Variants in TMEM135 observed in about 807,000 individuals in gnomAD.
The protein encoded by TMEM135 is transmembrane protein 135, also known as peroxisomal membrane protein 52.
A neutral mutation model predicts 60.3 loss-of-function variants in TMEM135; 30 were observed. That is an observed-to-expected ratio of 0.50 (90% confidence interval 0.37 to 0.68). The LOEUF (loss-of-function observed/expected upper bound fraction) is 0.68. Among genes scored for constraint, TMEM135 ranks in the 30% least tolerant of loss-of-function variants. The pLI, the probability that TMEM135 is intolerant of heterozygous loss-of-function variation, is 0.00. For synonymous variants in TMEM135, 190 were observed against 186.7 expected (o/e 1.02, Z -0.14); for missense variants, 468 against 548.8 (o/e 0.85, Z 1.47).
intron 6 of TMEM135, 111 bp from the exon 7 acceptor site, chr11:87,295,671 T>C: frequency 1.2e-6 from 1 of 843,662 alleles, no homozygotes; most frequent in Admixed American, 2.3e-5. Context: ...AATGTTCAGA[T>C]TTTTGCCTTA....
rs1006703185 is a variant in TMEM135 at position 87,328,284 on chromosome 11, C to A, written c.*6951C>A. 1.5e-5 allele frequency: 7 copies of A among 453,894 alleles called. No individual in the cohort carries two copies. The highest frequency in any genetic ancestry group is 2.6e-5 in the Non-Finnish European group (6 of 226,780). The allele number at this position is 453,894 out of a possible 1,614,324, so 28.1% of individuals were successfully genotyped here. A position where few individuals can be genotyped will look rare whatever the true frequency, so the allele number is the denominator to read the frequency against. ...TATGCTAAAATACTGTCAATCTCGTCTTTGAAGGTTTTGCTCATCTTTAAA... is the reference window on the plus strand; with the variant it reads ...TATGCTAAAATACTGTCAATCTCGTATTTGAAGGTTTTGCTCATCTTTAAA... On this transcript the variant is annotated 3_prime_UTR_variant, in exon 15 of 15. Coordinates refer to ENST00000305494, the MANE Select transcript of TMEM135 (RefSeq NM_022918.4).
intron 3 of TMEM135, among the ~76,000 whole-genome samples, chr11:87,088,102 G>A (rs538518698): frequency 1.3e-5 from 2 of 152,186 alleles, no homozygotes; most frequent in African/African-American, 4.8e-5. Flanking sequence ...TGTGAATTGG[G>A]TAAATTCCTC....
intron 5 of TMEM135, among the ~76,000 whole-genome samples, chr11:87,224,739 G>A (rs760874918): frequency 3.4e-5 from 5 of 146,072 alleles, no homozygotes; most frequent in Admixed American, 2.1e-4. Context: ...CTCCTTCTCC[G>A]TATGCTGAAT....
intron 6 of TMEM135, among the ~76,000 whole-genome samples, chr11:87,272,042 T>C (rs999071421): frequency 1.4e-5 from 1 of 71,980 alleles, no homozygotes; most frequent in Admixed American, 1.4e-4. Flanking sequence ...ATTTCTTTCT[T>C]TTTCTTTTCT....
At chr11:87,176,825 C>T (rs927039296) in intron 5 of TMEM135, among the ~76,000 whole-genome samples, 3 of 152,018 alleles carry the variant, frequency 2.0e-5, no homozygotes, top group African/African-American at 7.3e-5. Flanking sequence ...ACATGTATAC[C>T]TCTTTTTTCA....
intron 6 of TMEM135, among the ~76,000 whole-genome samples, chr11:87,249,946 T>C (rs1941377111): frequency 4.6e-5 from 7 of 152,114 alleles, no homozygotes; most frequent in Admixed American, 2.0e-4. Context: ...TTTTCTTTGC[T>C]GGGAGGCTTT....
intron 5 of TMEM135, among the ~76,000 whole-genome samples, chr11:87,182,977 G>T (rs528878989): frequency 2.4e-4 from 37 of 151,906 alleles, no homozygotes; most frequent in Non-Finnish European, 4.1e-4. Context: ...GTTAGGATTT[G>T]ATTACTTTTA....
At chr11:87,249,702 G>A (rs976099052) in intron 6 of TMEM135, among the ~76,000 whole-genome samples, 1 of 152,086 alleles carries the variant, frequency 6.6e-6, no homozygotes, top group Non-Finnish European at 1.5e-5. Flanking sequence ...TTACTGTGCT[G>A]TGGAATTTGG....
At chr11:87,154,329 A>G (rs896728723) in intron 4 of TMEM135, among the ~76,000 whole-genome samples, 2 of 152,226 alleles carry the variant, frequency 1.3e-5, no homozygotes, top group African/African-American at 4.8e-5. Context: ...TCTAAGTCTG[A>G]ATAATACTCC....
At chr11:87,189,775 A>AAAAAAAAAAAAAAAAAG (rs1939752914) in intron 5 of TMEM135, among the ~76,000 whole-genome samples, 1 of 150,712 alleles carries the variant, frequency 6.6e-6, no homozygotes, top group African/African-American at 2.4e-5. Context: ...AAAAAAAAAA[A>AAAAAAAAAAAAAAAAAG]TTGACCGGGC....
intron 6 of TMEM135, among the ~76,000 whole-genome samples, chr11:87,272,057 T>C (rs1195700543): frequency 2.0e-4 from 28 of 142,434 alleles, no homozygotes; most frequent in South Asian, 6.5e-4. Context: ...TTTTCTTTTT[T>C]TTTTTTTTTT....
rs528173825 is a variant in TMEM135 at position 87,102,291 on chromosome 11, C to T, written c.396+10896C>T. Among the ~76,000 whole-genome samples, 8 of 152,208 alleles carry T rather than the reference C, an allele frequency of 5.3e-5. No individual in the cohort carries two copies. The South Asian group carries it at 1.7e-3, about 32-fold the overall frequency. Reference sequence around the variant, plus strand: ...CCCTCTTCAAGTTCAGCTAATTTACCAGAGCAGCTCAGAACTAAGGGAAAC... The same window carrying T: ...CCCTCTTCAAGTTCAGCTAATTTACTAGAGCAGCTCAGAACTAAGGGAAAC... On this transcript the variant is annotated intron_variant, in intron 4 of 14. Coordinates refer to ENST00000305494, the MANE Select transcript of TMEM135 (RefSeq NM_022918.4).
At chr11:87,284,051 G>A (rs1045562181) in intron 6 of TMEM135, among the ~76,000 whole-genome samples, 13 of 152,082 alleles carry the variant, frequency 8.5e-5, no homozygotes, top group African/African-American at 2.2e-4. Context: ...ATTTTGGTTC[G>A]TAGCAATGCC....
chr11:87,105,837 A>G (rs1857581235), intron 4 of TMEM135, among the ~76,000 whole-genome samples: 1 of 152,154 alleles, frequency 6.6e-6, no homozygotes, highest in Admixed American at 6.6e-5. Context: ...TGTCAACTAT[A>G]GTCACTCACC....
intron 4 of TMEM135, among the ~76,000 whole-genome samples, chr11:87,098,886 C>T (rs1419221254): frequency 6.6e-6 from 1 of 152,082 alleles, no homozygotes; most frequent in Non-Finnish European, 1.5e-5. Flanking sequence ...GATGGGGTTT[C>T]ACCATGTCAG....
intron 4 of TMEM135, among the ~76,000 whole-genome samples, chr11:87,125,328 A>AT (rs1229012711): frequency 6.6e-6 from 1 of 152,228 alleles, no homozygotes; most frequent in Non-Finnish European, 1.5e-5. Context: ...TGGAAGTGCT[A>AT]GGTAGAAAAT....
chr11:87,153,866 G>A (rs1938624030), intron 4 of TMEM135, among the ~76,000 whole-genome samples: 1 of 152,136 alleles, frequency 6.6e-6, no homozygotes, highest in Non-Finnish European at 1.5e-5. Flanking sequence ...TTTCCATTAA[G>A]TACTCTTTAG....
intron 4 of TMEM135, among the ~76,000 whole-genome samples, chr11:87,114,386 G>A (rs1298642832): frequency 6.6e-6 from 1 of 152,140 alleles, no homozygotes; most frequent in Non-Finnish European, 1.5e-5. Flanking sequence ...AAAACTCAGT[G>A]ATGTACTAAA....
intron 5 of TMEM135, among the ~76,000 whole-genome samples, chr11:87,220,138 C>T (rs1187848679): frequency 6.6e-6 from 1 of 152,150 alleles, no homozygotes; most frequent in African/African-American, 2.4e-5. Context: ...TATAATTTGG[C>T]TCCTAACTTG....
Sources: allele counts gnomAD v4.1 joint callset (sites outside exome capture counted in the v4.1 genomes callset), GRCh38; gene constraint gnomAD v4.1.1; transcripts MANE v1.5; gene names NCBI Gene and HGNC (gene_info 2026-07-23, HGNC 2026-07-21).